DPP6: variants seen among roughly 807,000 people sequenced by gnomAD.
DPP6 encodes the protein dipeptidyl peptidase like 6, also known as A-type potassium channel modulatory protein DPP6.
A neutral mutation model predicts 122.6 loss-of-function variants in DPP6; 69 were observed. That is an observed-to-expected ratio of 0.56 (90% CI 0.46 to 0.69). The LOEUF (loss-of-function observed/expected upper bound fraction) is 0.69, where lower values mean the gene tolerates loss of function less well. Among genes scored for constraint, DPP6 ranks in the 30% least tolerant of loss-of-function variants. The pLI is 0.00. For missense variants in DPP6, 928 were observed against 1,116.9 expected (o/e 0.83, Z 2.41); for synonymous variants, 418 against 433.1 (o/e 0.97, Z 0.43).
At chr7:154,851,668 A>G (rs186288816) in intron 16 of DPP6, among the ~76,000 whole-genome samples, 15 of 152,360 alleles carry the variant, frequency 9.8e-5, no homozygotes, top group African/African-American at 3.6e-4. Context: ...TATTTAGCAA[A>G]TAAAAATTTA....
chr7:154,549,417 A>G (rs1003329883), intron 4 of DPP6, among the ~76,000 whole-genome samples: 3 of 152,200 alleles, frequency 2.0e-5, no homozygotes, highest in African/African-American at 7.2e-5. Flanking sequence ...ATTCAGAGGC[A>G]AATCAGCATC....
At chr7:154,881,794 T>C (rs1430206643) in intron 21 of DPP6, among the ~76,000 whole-genome samples, 1 of 152,080 alleles carries the variant, frequency 6.6e-6, no homozygotes, top group Non-Finnish European at 1.5e-5. Flanking sequence ...ACCTCCTCCT[T>C]ACCTGCCGGA....
At chr7:153,937,881 G>T (rs2129015794) in intron 1 of DPP6, among the ~76,000 whole-genome samples, 1 of 152,304 alleles carries the variant, frequency 6.6e-6, no homozygotes, top group East Asian at 1.9e-4. Flanking sequence ...TGCATCACGT[G>T]AAGCAAGAAC....
chr7:153,850,508 A>C, the DPP6 span, among the ~76,000 whole-genome samples: 1 of 152,242 alleles, frequency 6.6e-6, no homozygotes, highest in Non-Finnish European at 1.5e-5. Context: ...ATTGGTTAGA[A>C]GGAAACCATA....
At chr7:153,816,526 A>G in the DPP6 span, among the ~76,000 whole-genome samples, 2 of 152,238 alleles carry the variant, frequency 1.3e-5, no homozygotes, top group Non-Finnish European at 2.9e-5. Flanking sequence ...ATTTAAGAGG[A>G]AGGACAAAGC....
At chr7:153,756,842 A>T in the DPP6 span, among the ~76,000 whole-genome samples, 2 of 151,820 alleles carry the variant, frequency 1.3e-5, no homozygotes, top group Non-Finnish European at 2.9e-5. Flanking sequence ...ATTGATTTTT[A>T]AAATTTTAAT....
At chr7:153,988,457 C>T (rs910685877) in intron 1 of DPP6, among the ~76,000 whole-genome samples, 3 of 152,142 alleles carry the variant, frequency 2.0e-5, no homozygotes, top group African/African-American at 7.2e-5. Context: ...AAGAGATGGA[C>T]AGTGTTACCA....
At chr7:154,751,810 G>A (rs1299643711) in intron 8 of DPP6, among the ~76,000 whole-genome samples, 1 of 152,086 alleles carries the variant, frequency 6.6e-6, no homozygotes, top group Non-Finnish European at 1.5e-5. Flanking sequence ...TGAGAGGGAA[G>A]AAGCAACGTG....
At chr7:154,734,366 G>A (rs1842480720) in intron 8 of DPP6, among the ~76,000 whole-genome samples, 1 of 151,206 alleles carries the variant, frequency 6.6e-6, no homozygotes, top group Non-Finnish European at 1.5e-5. Context: ...ATTCTTGATT[G>A]GGTTCTGCAA....
intron 3 of DPP6, among the ~76,000 whole-genome samples, chr7:154,523,047 C>T (rs1038103173): frequency 5.3e-5 from 8 of 152,140 alleles, no homozygotes; most frequent in African/African-American, 1.2e-4. Context: ...CCTCACTGAC[C>T]GAGTCATTCC....
Position 154,494,091 on chromosome 7 carries a change from C to T in DPP6, c.457+19054C>T, listed in dbSNP as rs1335767608. ...ATATATTGCCGGATATTGTGGCTTACACCTGTAATCCCAGCCCTTTGGGAG... is the reference window on the plus strand; with the variant it reads ...ATATATTGCCGGATATTGTGGCTTATACCTGTAATCCCAGCCCTTTGGGAG... On this transcript the variant is annotated intron_variant, in intron 3 of 25. Coordinates refer to ENST00000377770, the MANE Select transcript of DPP6 (RefSeq NM_130797.4). Among the ~76,000 whole-genome samples, 3 of 152,342 alleles carry T rather than the reference C, an allele frequency of 2.0e-5. No individual in the cohort carries two copies. The East Asian group carries it at 5.8e-4, about 29-fold the overall frequency.
chr7:153,848,045 G>C, the DPP6 span, among the ~76,000 whole-genome samples: 1 of 152,186 alleles, frequency 6.6e-6, no homozygotes, highest in Non-Finnish European at 1.5e-5. Flanking sequence ...AGCGACGGAT[G>C]AAAAAATGTA....
At chr7:153,880,391 T>C in the DPP6 span, among the ~76,000 whole-genome samples, 2 of 152,244 alleles carry the variant, frequency 1.3e-5, no homozygotes, top group Admixed American at 6.5e-5. Context: ...TCCAATACTT[T>C]GCTTAGTTAC....
the DPP6 span, among the ~76,000 whole-genome samples, chr7:153,848,579 G>A: frequency 1.3e-5 from 2 of 152,066 alleles, no homozygotes; most frequent in African/African-American, 2.4e-5. Context: ...CTTTTCAAGG[G>A]TTCAGCTTAA....
At chr7:154,806,663 A>G (rs1011446480) in intron 15 of DPP6, among the ~76,000 whole-genome samples, 1 of 152,226 alleles carries the variant, frequency 6.6e-6, no homozygotes, top group South Asian at 2.1e-4. Context: ...ATAGAGTGCT[A>G]GATCATATAA....
At chr7:154,553,582 A>G (rs1034475079) in intron 4 of DPP6, among the ~76,000 whole-genome samples, 9 of 152,168 alleles carry the variant, frequency 5.9e-5, no homozygotes, top group African/African-American at 2.2e-4. Flanking sequence ...TAAAACTCAG[A>G]AAAAAGAGGT....
chr7:154,063,637 C>A (rs1344978996), intron 1 of DPP6, among the ~76,000 whole-genome samples: 1 of 136,692 alleles, frequency 7.3e-6, no homozygotes, highest in Non-Finnish European at 1.6e-5. Context: ...GGACTGAGAG[C>A]CACTCCCTCT....
intron 3 of DPP6, among the ~76,000 whole-genome samples, chr7:154,506,199 C>CT (rs1489673257): frequency 2.0e-5 from 3 of 150,308 alleles, no homozygotes; most frequent in Admixed American, 6.6e-5. Flanking sequence ...GATGTAGCTC[C>CT]TTTTTTTGTA....
Position 154,241,211 on chromosome 7 carries a change from G to GTGTGTGTGTC in DPP6, c.243+188157_243+188158insCTGTGTGTGT, listed in dbSNP as rs1563356935. On this transcript the variant is annotated intron_variant, in intron 1 of 25. Transcript: ENST00000377770. This position sits in a 1 kb window ranked among gnomAD's most constrained non-coding sequence, Gnocchi z 9.0. ...TGTGTGTGTGTGTGTGTGTGTGTGT[G>GTGTGTGTGTC]TGTGTGTGTATATATATATAGAGAG... Among the ~76,000 whole-genome samples, 2 of 149,876 alleles carry GTGTGTGTGTC rather than the reference G, an allele frequency of 1.3e-5. No homozygotes were observed. Among genetic ancestry groups the GTGTGTGTGTC allele is most frequent in the African/African-American group, 5.1e-5 (2 of 39,538 alleles).
Sources: gnomAD v4.1 joint callset for allele counts (sites outside exome capture counted in the v4.1 genomes callset) on GRCh38, gnomAD v4.1.1 for gene constraint, Gnocchi (gnomAD v3.1) non-coding constraint, MANE v1.5 for transcripts, NCBI Gene and HGNC (gene_info 2026-07-23, HGNC 2026-07-21) for gene names.